Variants in CNIH3 observed in about 807,000 individuals in gnomAD.
The protein encoded by CNIH3 is protein cornichon homolog 3.
In CNIH3, 14 loss-of-function variants were observed where a neutral mutation model predicts 24.1. That is an observed-to-expected ratio of 0.58 (90% CI 0.38 to 0.91). CNIH3 has a LOEUF of 0.91. Ranked by LOEUF, CNIH3 falls within the 40% of genes least tolerant of loss-of-function variation. The pLI, the probability that CNIH3 is intolerant of heterozygous loss-of-function variation, is 0.00. For missense variants in CNIH3, 178 were observed against 196.8 expected (o/e 0.90, Z 0.57); for synonymous variants, 68 against 73.8 (o/e 0.92, Z 0.40).
intron 1 of CNIH3, among the ~76,000 whole-genome samples, chr1:224,516,704 CA>C (rs1416531979): frequency 1.3e-5 from 2 of 152,358 alleles, no homozygotes; most frequent in African/African-American, 4.8e-5. Flanking sequence ...ACTGCAAGAG[CA>C]GATAAGCCAT....
At chr1:224,662,622 A>G (rs1298749620) in intron 1 of CNIH3, among the ~76,000 whole-genome samples, 1 of 152,252 alleles carries the variant, frequency 6.6e-6, no homozygotes, top group African/African-American at 2.4e-5. Context: ...CTGCTTGTTT[A>G]GGATTTACTT....
In CNIH3 at chr1:224,505,019, TCCC is replaced by T. The variant is rs1311201075; in HGVS notation, n.204-10721_204-10719del. 4.5e-3 allele frequency among the ~76,000 whole-genome samples: 125 copies of T among 27,660 alleles called. 1 individual carries two copies. The highest frequency in any genetic ancestry group is 0.016 in the African/African-American group (104 of 6,672). The allele number at this position is 27,660 out of a possible 152,430, so 18.1% of individuals were successfully genotyped here. On this transcript the variant is annotated intron_variant and non_coding_transcript_variant, in intron 1 of 5. Transcript: ENST00000471578. Reference sequence around the variant, plus strand: ...TTCCCTCCCTCCCTCCCTCCCTCCCTCCCTCCCTCCCTCCCTTCCTTCCTTCCT... The same window carrying T: ...TTCCCTCCCTCCCTCCCTCCCTCCCTTCCCTCCCTCCCTTCCTTCCTTCCT...
At chr1:224,521,891 TTAC>T (rs1309211837) in intron 2 of CNIH3, among the ~76,000 whole-genome samples, 2 of 152,178 alleles carry the variant, frequency 1.3e-5, no homozygotes, top group Non-Finnish European at 2.9e-5. Flanking sequence ...TTGCAAAAGA[TTAC>T]TGACAGGAAT....
At chr1:224,683,630 T>C (rs954654799) in intron 2 of CNIH3, among the ~76,000 whole-genome samples, 2 of 152,228 alleles carry the variant, frequency 1.3e-5, no homozygotes, top group Admixed American at 1.3e-4. Context: ...AAGCTCTCAA[T>C]ATCGTTGGAC....
intron 3 of CNIH3, among the ~76,000 whole-genome samples, chr1:224,594,953 T>C (rs1681916065): frequency 6.6e-6 from 1 of 152,258 alleles, no homozygotes; most frequent in South Asian, 2.1e-4. Context: ...TATTGTATTT[T>C]TTACAAATTG....
chr1:224,485,568 C>A (rs1243200032), intron 1 of CNIH3, among the ~76,000 whole-genome samples: 1 of 152,116 alleles, frequency 6.6e-6, no homozygotes, highest in Non-Finnish European at 1.5e-5. Flanking sequence ...TCATTGTTCA[C>A]CACAGCCTTG....
At chr1:224,685,653 G>T (rs1686620397) in intron 3 of CNIH3, among the ~76,000 whole-genome samples, 1 of 152,240 alleles carries the variant, frequency 6.6e-6, no homozygotes, top group South Asian at 2.1e-4. Flanking sequence ...GAATAGGACA[G>T]AAATAAAATG....
intron 1 of CNIH3, among the ~76,000 whole-genome samples, chr1:224,636,457 A>G (rs561774871): frequency 6.6e-6 from 1 of 152,302 alleles, no homozygotes; most frequent in Non-Finnish European, 1.5e-5. Flanking sequence ...CTTCCTAATT[A>G]CCAGACCAGT....
chr1:224,631,928 A>AG (rs1043701288), intron 1 of CNIH3, among the ~76,000 whole-genome samples: 1 of 152,156 alleles, frequency 6.6e-6, no homozygotes, highest in African/African-American at 2.4e-5. Flanking sequence ...TATATAATAG[A>AG]GACATTTGTA....
chr1:224,591,576 T>C (rs184738988), downstream of CNIH3, among the ~76,000 whole-genome samples: 3 of 152,136 alleles, frequency 2.0e-5, no homozygotes, highest in East Asian at 3.9e-4. Flanking sequence ...GACAAAAAAG[T>C]TGGAGAATGG....
intron 1 of CNIH3, among the ~76,000 whole-genome samples, chr1:224,503,530 C>T (rs1326514362): frequency 6.6e-6 from 1 of 152,212 alleles, no homozygotes; most frequent in Non-Finnish European, 1.5e-5. Flanking sequence ...CTCCCAGAGC[C>T]GAGGTGACAG....
chr1:224,645,795 A>C (rs1394847730), intron 1 of CNIH3, among the ~76,000 whole-genome samples: 3 of 152,204 alleles, frequency 2.0e-5, no homozygotes, highest in African/African-American at 7.2e-5. Flanking sequence ...ACATGGAGGA[A>C]TTTATGTTGC....
At chr1:224,463,776 T>TATTTA (rs1558083158) in intron 1 of CNIH3, among the ~76,000 whole-genome samples, 59 of 15,524 alleles carry the variant, frequency 3.8e-3, no homozygotes, top group African/African-American at 8.4e-3. Context: ...TGTCCTCATT[T>TATTTA]TTTTTTTTTT....
chr1:224,619,945 G>A (rs529829847), intron 1 of CNIH3, among the ~76,000 whole-genome samples: 1 of 152,322 alleles, frequency 6.6e-6, no homozygotes, highest in South Asian at 2.1e-4. Context: ...GTCTGCTGTA[G>A]GACAAGTTTT....
intron 2 of CNIH3, among the ~76,000 whole-genome samples, chr1:224,529,694 G>A (rs1303048718): frequency 6.6e-6 from 1 of 152,214 alleles, no homozygotes; most frequent in African/African-American, 2.4e-5. Flanking sequence ...GGCAGAGAGG[G>A]AAGGTTATTT....
At chr1:224,585,603 C>T (rs1216748643) in intron 5 of CNIH3, among the ~76,000 whole-genome samples, 1 of 151,992 alleles carries the variant, frequency 6.6e-6, no homozygotes, top group South Asian at 2.1e-4. Context: ...CTCAACCTCC[C>T]AAGTAGCCAG....
chr1:224,717,176 A>T (rs1247343248), intron 3 of CNIH3, among the ~76,000 whole-genome samples: 1 of 152,218 alleles, frequency 6.6e-6, no homozygotes, highest in Admixed American at 6.5e-5. Flanking sequence ...AAAAGACCAT[A>T]GATGGTGGCT....
rs1686551640 is a variant in CNIH3 at position 224,684,377 on chromosome 1, C to T, written c.151-419C>T. Among the ~76,000 whole-genome samples, 1 of 152,296 alleles carries T rather than the reference C, an allele frequency of 6.6e-6. No individual in the cohort carries two copies. The highest frequency in any genetic ancestry group is 6.5e-5 in the Admixed American group (1 of 15,304). Reference sequence around the variant, plus strand: ...TCTACCTTAGATACTAATGAGGGCACATACGCTCTTCGAGAACTAAGTGGG... The same window carrying T: ...TCTACCTTAGATACTAATGAGGGCATATACGCTCTTCGAGAACTAAGTGGG... On this transcript the variant is annotated intron_variant, in intron 2 of 5. Coordinates refer to ENST00000272133, the MANE Select transcript of CNIH3 (RefSeq NM_152495.2). This position sits in a 1 kb window ranked among gnomAD's most constrained non-coding sequence, Gnocchi z 4.2.
intron 4 of CNIH3, 135 bp from the exon 5 acceptor site, chr1:224,734,428 A>C (rs1572840386): frequency 5.0e-6 from 4 of 803,362 alleles, no homozygotes; most frequent in Middle Eastern, 3.7e-4. Flanking sequence ...GCGGTGCTTC[A>C]ACTGTGATTT....
Sources: allele counts gnomAD v4.1 joint callset (sites outside exome capture counted in the v4.1 genomes callset), GRCh38; gene constraint gnomAD v4.1.1; non-coding constraint Gnocchi (gnomAD v3.1); transcripts MANE v1.5; gene names NCBI Gene and HGNC (gene_info 2026-07-23, HGNC 2026-07-21).